Variants in NCOA1 observed in about 807,000 individuals in gnomAD.
NCOA1 encodes the protein Hin-2 protein.
In NCOA1, 35 loss-of-function variants were observed where a neutral mutation model predicts 150.9. That is an observed-to-expected ratio of 0.23 (90% CI 0.18 to 0.31). The LOEUF (loss-of-function observed/expected upper bound fraction) is 0.31. NCOA1 is among the 10% of genes least tolerant of loss of function. NCOA1 has a pLI of 1.00. For missense variants in NCOA1, 1,491 were observed against 1,749.3 expected, an observed-to-expected ratio of 0.85 and a Z score of 2.63; for synonymous variants, 590 against 630.0, an observed-to-expected ratio of 0.94 and a Z score of 0.95.
At chr2:24,569,452 A>G (rs532217862) in intron 2 of NCOA1, among the ~76,000 whole-genome samples, 24 of 152,000 alleles carry the variant, frequency 1.6e-4, no homozygotes, top group Non-Finnish European at 2.8e-4. Context: ...TTTCAATGTT[A>G]AGGATGAAAT....
Position 24,757,957 on chromosome 2 carries a change from GT to G in NCOA1, c.3882-11del. 6.2e-7 allele frequency: 1 copy of G among 1,612,014 alleles called. No individual in the cohort carries two copies. The highest frequency in any genetic ancestry group is 8.5e-7 in the Non-Finnish European group (1 of 1,179,040). ...ATGATCAGTGGATGTAATCTGGATT[GT>G]TTTTGAGTTTACAGTGTGTTCAGTC... is the stretch of plus-strand genomic sequence containing the variant. On this transcript the variant is annotated splice_polypyrimidine_tract_variant and intron_variant, in intron 20 of 22. Transcript: ENST00000348332.
chr2:24,720,510 A>G (rs1272521625), intron 14 of NCOA1, among the ~76,000 whole-genome samples: 2 of 152,256 alleles, frequency 1.3e-5, no homozygotes, highest in Non-Finnish European at 1.5e-5. Flanking sequence ...AATCTGTTTC[A>G]CCTCGTGCTA....
intron 1 of NCOA1, among the ~76,000 whole-genome samples, chr2:24,513,544 T>A (rs1385699429): frequency 1.3e-5 from 2 of 152,188 alleles, no homozygotes; most frequent in Non-Finnish European, 2.9e-5. Flanking sequence ...AACATACTGG[T>A]TGTGAACATA....
At chr2:24,655,275 A>G (rs946112559) in intron 4 of NCOA1, among the ~76,000 whole-genome samples, 2 of 152,180 alleles carry the variant, frequency 1.3e-5, no homozygotes, top group Admixed American at 1.3e-4. Flanking sequence ...CTGAGTACAT[A>G]TTACCAAGGA....
chr2:24,501,776 A>G (rs1412725630), intron 1 of NCOA1, among the ~76,000 whole-genome samples: 1 of 152,110 alleles, frequency 6.6e-6, no homozygotes, highest in Non-Finnish European at 1.5e-5. Context: ...GTGAGTCTAT[A>G]TATTTATCTG....
At chr2:24,554,200 A>G (rs1330015533) in intron 1 of NCOA1, among the ~76,000 whole-genome samples, 1 of 151,894 alleles carries the variant, frequency 6.6e-6, no homozygotes, top group Non-Finnish European at 1.5e-5. Flanking sequence ...TTTTTCTTCA[A>G]ATTGCTTTGT....
chr2:24,497,382 T>A (rs1468653430), intron 1 of NCOA1, among the ~76,000 whole-genome samples: 6 of 152,074 alleles, frequency 3.9e-5, no homozygotes, highest in Non-Finnish European at 8.8e-5. Context: ...AAATGTCACT[T>A]TAAGATTCTT....
chr2:24,524,475 T>C (rs2148145861), intron 1 of NCOA1, among the ~76,000 whole-genome samples: 1 of 152,016 alleles, frequency 6.6e-6, no homozygotes, highest in East Asian at 1.9e-4. Flanking sequence ...TAAATTATTT[T>C]GTAGAGATGG....
At position 24,697,441 on chromosome 2, in the gene NCOA1, A is replaced by G. The variant is rs1373912398; in HGVS notation, c.809-217A>G. Among the ~76,000 whole-genome samples, 8 of 152,324 alleles carry G rather than the reference A, an allele frequency of 5.3e-5. No individual in the cohort carries two copies. In the East Asian group the frequency reaches 1.3e-3, roughly 26 times the overall value. ...TCCTAGACCAGAATTGAATTTTAGA[A>G]TATGACATACTAGGACATAACACAT... On this transcript the variant is annotated intron_variant, in intron 10 of 22. Coordinates refer to ENST00000348332, the MANE Select transcript of NCOA1 (RefSeq NM_003743.5).
chr2:24,640,153 A>G (rs919449725), intron 3 of NCOA1, among the ~76,000 whole-genome samples: 29 of 151,948 alleles, frequency 1.9e-4, no homozygotes, highest in African/African-American at 6.3e-4. Context: ...AATGGTTTCT[A>G]ACTTAATTCC....
At position 24,694,344 on chromosome 2, in the gene NCOA1, AAT is replaced by A. The variant is rs552110579; in HGVS notation, c.808+999_808+1000del. 5.9e-5 allele frequency among the ~76,000 whole-genome samples: 9 copies of A among 152,354 alleles called. No homozygotes were observed. The East Asian group carries it at 1.3e-3, about 23-fold the overall frequency. On this transcript the variant is annotated intron_variant, in intron 10 of 22. Transcript: ENST00000348332. ...ATATCACTTACCTCTCTAATTTTAA[AAT>A]AGAGATAAATATTAAAGGTATATTT... is the stretch of plus-strand genomic sequence containing the variant.
intron 3 of NCOA1, among the ~76,000 whole-genome samples, chr2:24,587,114 AAG>A (rs1453384600): frequency 2.0e-5 from 3 of 151,788 alleles, no homozygotes; most frequent in African/African-American, 4.8e-5. Context: ...AAAAAAAAAA[AAG>A]AAACTGGGAA....
chr2:24,647,990 GA>G (rs1289469155), intron 4 of NCOA1, among the ~76,000 whole-genome samples: 1 of 152,130 alleles, frequency 6.6e-6, no homozygotes, highest in Non-Finnish European at 1.5e-5. Context: ...GAGAACCCCG[GA>G]AAATGGAATT....
At chr2:24,609,034 T>C (rs1009565172) in intron 3 of NCOA1, among the ~76,000 whole-genome samples, 1 of 152,202 alleles carries the variant, frequency 6.6e-6, no homozygotes, top group African/African-American at 2.4e-5. Flanking sequence ...GGTAAAATAG[T>C]GATTGCCATG....
At chr2:24,557,825 T>C (rs937707995) in intron 1 of NCOA1, among the ~76,000 whole-genome samples, 1 of 152,150 alleles carries the variant, frequency 6.6e-6, no homozygotes, top group Non-Finnish European at 1.5e-5. Flanking sequence ...AGAAGTCTTC[T>C]GTAATTTTAA....
At chr2:24,661,452 A>G (rs1258955764) in intron 5 of NCOA1, among the ~76,000 whole-genome samples, 1 of 152,068 alleles carries the variant, frequency 6.6e-6, no homozygotes, top group Non-Finnish European at 1.5e-5. Flanking sequence ...TCTTCTCCCA[A>G]CCTGTTGGTT....
chr2:24,765,896 C>CTTTTT (rs773857143), intron 22 of NCOA1, among the ~76,000 whole-genome samples: 1 of 128,032 alleles, frequency 7.8e-6, no homozygotes, highest in Admixed American at 7.9e-5. Flanking sequence ...CAATAATACA[C>CTTTTT]TTTTTTTTTT....
At chr2:24,716,143 C>CA (rs35089767) in intron 14 of NCOA1, among the ~76,000 whole-genome samples, 915 of 85,100 alleles carry the variant, frequency 0.011, 14 homozygotes, top group African/African-American at 0.032. Context: ...GACTCCGTCT[C>CA]AAAAAAAAAA....
intron 3 of NCOA1, among the ~76,000 whole-genome samples, chr2:24,629,190 T>A (rs1669564083): frequency 6.6e-6 from 1 of 152,130 alleles, no homozygotes; most frequent in African/African-American, 2.4e-5. Flanking sequence ...ATTAAAAAAA[T>A]TAGCAACAGT....
Sources: allele counts gnomAD v4.1 joint callset (sites outside exome capture counted in the v4.1 genomes callset), GRCh38; gene constraint gnomAD v4.1.1; transcripts MANE v1.5; gene names NCBI Gene and HGNC (gene_info 2026-07-23, HGNC 2026-07-21).